PPARGC1A: variants seen among roughly 807,000 people sequenced by gnomAD.
PPARGC1A encodes PPARG coactivator 1 alpha.
PPARGC1A carries 25 observed loss-of-function variants against 88.7 expected under a neutral mutation model. The observed-to-expected ratio is 0.28, with a 90% CI of 0.21 to 0.39. The LOEUF (loss-of-function observed/expected upper bound fraction) is 0.39. Among genes scored for constraint, PPARGC1A ranks in the 10% least tolerant of loss-of-function variants. The probability of loss-of-function intolerance (pLI) is 1.00; values close to 1 mark genes in which losing one functional copy is unlikely to be tolerated. For synonymous variants in PPARGC1A, 363 were observed against 355.6 expected (o/e 1.02, Z -0.24); for missense variants, 880 against 968.7 (o/e 0.91, Z 1.22).
At chr4:23,864,464 G>C (rs996512558) in intron 2 of PPARGC1A, among the ~76,000 whole-genome samples, 1 of 152,214 alleles carries the variant, frequency 6.6e-6, no homozygotes, top group African/African-American at 2.4e-5. Context: ...TGGTATGTGT[G>C]GGGTAGTATA....
At chr4:24,344,912 T>A in the PPARGC1A span, among the ~76,000 whole-genome samples, 2 of 152,218 alleles carry the variant, frequency 1.3e-5, no homozygotes, top group African/African-American at 4.8e-5. Context: ...TGTTAATCCA[T>A]CTTGAGTTGA....
the PPARGC1A span, among the ~76,000 whole-genome samples, chr4:24,340,051 A>G: frequency 1.3e-5 from 2 of 152,196 alleles, no homozygotes; most frequent in East Asian, 1.9e-4. Flanking sequence ...TTTTTAAAAA[A>G]TAGAAATTTC....
chr4:24,127,390 A>T, the PPARGC1A span, among the ~76,000 whole-genome samples: 1 of 152,018 alleles, frequency 6.6e-6, no homozygotes, highest in African/African-American at 2.4e-5. Flanking sequence ...TTTCTTCCAA[A>T]TCTGAAGATT....
At position 23,794,461 on chromosome 4, in the gene PPARGC1A, T is replaced by G. The variant is rs1457577934; in HGVS notation, c.*1361A>C. The G allele has an allele frequency of 2.0e-5, 3 of 152,510 alleles. No individual in the cohort carries two copies. Among genetic ancestry groups the G allele is most frequent in the African/African-American group, 7.2e-5 (3 of 41,456 alleles). 9.4% of individuals were successfully genotyped at this position (152,510 alleles called of 1,614,324 possible). On this transcript the variant is annotated 3_prime_UTR_variant, in exon 13 of 13. Transcript: ENST00000264867. ...CTTAGATTGAAGCTCACCTAAGGGATGGATGTGCGGAAAGCATCATTTTGC... is the reference window on the plus strand; with the variant it reads ...CTTAGATTGAAGCTCACCTAAGGGAGGGATGTGCGGAAAGCATCATTTTGC...
At chr4:24,093,270 G>A in the PPARGC1A span, among the ~76,000 whole-genome samples, 1 of 152,200 alleles carries the variant, frequency 6.6e-6, no homozygotes, top group African/African-American at 2.4e-5. Flanking sequence ...CCCACTGGCT[G>A]TTTTGACAAT....
chr4:24,279,867 T>C, the PPARGC1A span, among the ~76,000 whole-genome samples: 4 of 152,262 alleles, frequency 2.6e-5, no homozygotes, highest in South Asian at 8.3e-4. Context: ...GGAGTTCCCA[T>C]ATGCTTAAGG....
Position 23,792,774 on chromosome 4 carries a change from A to C in PPARGC1A, c.*3048T>G, listed in dbSNP as rs1716867493. The stretch of plus-strand genomic sequence containing the variant: ...GATGGGGTGCACGTGTTCATTTGAA[A>C]TATTCTCTCCCAAAAAAATAAAAAT... On this transcript the variant is annotated 3_prime_UTR_variant, in exon 13 of 13. Coordinates refer to ENST00000264867, the MANE Select transcript of PPARGC1A (RefSeq NM_013261.5). The C allele has an allele frequency of 2.6e-5, 4 of 152,616 alleles. No individual in the cohort carries two copies. The highest frequency in any genetic ancestry group is 6.6e-5 in the Admixed American group (1 of 15,254). 9.5% of individuals were successfully genotyped at this position (152,616 alleles called of 1,614,324 possible).
chr4:24,064,068 T>C, the PPARGC1A span, among the ~76,000 whole-genome samples: 1 of 152,248 alleles, frequency 6.6e-6, no homozygotes. Context: ...ACCTTCCCTT[T>C]CCCCATCTCC....
the PPARGC1A span, among the ~76,000 whole-genome samples, chr4:24,303,816 C>T: frequency 1.3e-5 from 2 of 152,134 alleles, no homozygotes; most frequent in Admixed American, 6.5e-5. Flanking sequence ...GGTTGCTGTT[C>T]GTTTCTGGTG....
chr4:24,107,256 C>G, the PPARGC1A span, among the ~76,000 whole-genome samples: 1 of 152,204 alleles, frequency 6.6e-6, no homozygotes, highest in Non-Finnish European at 1.5e-5. Flanking sequence ...GTTTTCTAGA[C>G]TTCAAATTGA....
the PPARGC1A span, among the ~76,000 whole-genome samples, chr4:23,995,941 C>T: frequency 6.6e-6 from 1 of 152,188 alleles, no homozygotes; most frequent in African/African-American, 2.4e-5. Flanking sequence ...TAAATTCTCA[C>T]CAGCCTTCCA....
the PPARGC1A span, among the ~76,000 whole-genome samples, chr4:23,962,401 A>G: frequency 3.3e-5 from 5 of 152,132 alleles, no homozygotes; most frequent in Non-Finnish European, 7.4e-5. Flanking sequence ...GAGAGTTCAT[A>G]GCCAAACAAT....
the PPARGC1A span, among the ~76,000 whole-genome samples, chr4:23,982,838 T>C: frequency 1.4e-3 from 194 of 136,958 alleles, no homozygotes; most frequent in African/African-American, 4.9e-3. Flanking sequence ...AGGCAGTTGA[T>C]ATGTAACAGT....
the PPARGC1A span, among the ~76,000 whole-genome samples, chr4:24,146,295 C>T: frequency 6.6e-6 from 1 of 152,304 alleles, no homozygotes; most frequent in African/African-American, 2.4e-5. Flanking sequence ...ACAGACAGAA[C>T]ACATATGAGT....
the PPARGC1A span, among the ~76,000 whole-genome samples, chr4:24,117,505 T>A: frequency 6.6e-6 from 1 of 151,552 alleles, no homozygotes; most frequent in Non-Finnish European, 1.5e-5. Context: ...GGCCTTCTAG[T>A]GGAAGCTACT....
At chr4:24,289,250 G>GAA in the PPARGC1A span, among the ~76,000 whole-genome samples, 3 of 148,110 alleles carry the variant, frequency 2.0e-5, no homozygotes, top group Admixed American at 6.7e-5. Flanking sequence ...AAAAGAGAGA[G>GAA]AGAGAGAAGA....
chr4:24,213,189 C>A, the PPARGC1A span, among the ~76,000 whole-genome samples: 1 of 129,252 alleles, frequency 7.7e-6, no homozygotes, highest in Non-Finnish European at 1.6e-5. Flanking sequence ...TTTTTTGAGA[C>A]AGAGCCTTGC....
chr4:24,030,607 G>A, the PPARGC1A span, among the ~76,000 whole-genome samples: 53 of 152,190 alleles, frequency 3.5e-4, no homozygotes, highest in Non-Finnish European at 3.5e-4. Context: ...TCATGCTCCT[G>A]ACCACAGCAC....
the PPARGC1A span, among the ~76,000 whole-genome samples, chr4:24,163,423 A>G: frequency 7.9e-5 from 12 of 152,202 alleles, no homozygotes; most frequent in East Asian, 2.3e-3. Context: ...CTTTTAAAAT[A>G]TCAGCACTTT....
Sources: allele counts gnomAD v4.1 joint callset (sites outside exome capture counted in the v4.1 genomes callset), GRCh38; gene constraint gnomAD v4.1.1; transcripts MANE v1.5; gene names NCBI Gene and HGNC (gene_info 2026-07-23, HGNC 2026-07-21).